Variants in CDC16 observed in about 807,000 individuals in gnomAD.
The protein encoded by CDC16 is cell division cycle protein 16 homolog.
CDC16 carries 34 observed loss-of-function variants against 87.0 expected under a neutral mutation model. The ratio of observed to expected loss-of-function variants is 0.39; its 90% CI spans 0.30 to 0.52. CDC16 has a LOEUF of 0.52. CDC16 is among the 20% of genes least tolerant of loss of function. CDC16 has a pLI of 0.74. For missense variants in CDC16, 653 were observed against 751.9 expected (o/e 0.87, Z 1.54); for synonymous variants, 263 against 260.6 (o/e 1.01, Z -0.09).
chr13:114,267,132 A>T (rs1033215875), intron 17 of CDC16, among the ~76,000 whole-genome samples: 9 of 152,220 alleles, frequency 5.9e-5, no homozygotes, highest in African/African-American at 2.2e-4. Flanking sequence ...GTATTAAGAA[A>T]CACACCTAAG....
At chr13:114,252,132 C>G (rs1375767341) in intron 12 of CDC16, among the ~76,000 whole-genome samples, 1 of 150,696 alleles carries the variant, frequency 6.6e-6, no homozygotes, top group Non-Finnish European at 1.5e-5. Flanking sequence ...AAGAGCCCTA[C>G]ACTAGCCCTG....
chr13:114,248,802 T>C (rs1456015106), intron 11 of CDC16, among the ~76,000 whole-genome samples: 2 of 152,040 alleles, frequency 1.3e-5, no homozygotes, highest in East Asian at 3.8e-4. Flanking sequence ...CCCTGGTTGG[T>C]TGTATGTTCA....
intron 1 of CDC16, among the ~76,000 whole-genome samples, chr13:114,236,242 A>G (rs990864212): frequency 1.3e-4 from 20 of 152,216 alleles, no homozygotes; most frequent in Admixed American, 1.2e-3. Context: ...GTATTTGAGT[A>G]TAGTGTTCTG....
In CDC16 at chr13:114,234,965, C is replaced by G. The variant is rs765849031; in HGVS notation, c.-120C>G. ...CTGCGGCCTTCGAGTCCGCGGCCTT[C>G]GAGTCCTGGGGCGGCGGCGGCGGCT... On this transcript the variant is annotated 5_prime_UTR_variant, in exon 1 of 18. Transcript: ENST00000356221. 5.5e-3 allele frequency: 4,090 copies of G among 739,262 alleles called. 27 individuals are homozygous for G. The highest frequency in any genetic ancestry group is 9.3e-3 in the Middle Eastern group (21 of 2,270). 45.8% of individuals were successfully genotyped at this position (739,262 alleles called of 1,614,324 possible). A position where few individuals can be genotyped will look rare whatever the true frequency, so the allele number is the denominator to read the frequency against.
chr13:114,250,349 G>C (rs12586012), intron 11 of CDC16, among the ~76,000 whole-genome samples, 200 bp from the exon 12 acceptor site: 2 of 151,996 alleles, frequency 1.3e-5, no homozygotes, highest in Non-Finnish European at 2.9e-5. Flanking sequence ...AAAATTAGCC[G>C]GGCATGGTGG....
At chr13:114,237,119 G>C (rs2081293042) in intron 3 of CDC16, among the ~76,000 whole-genome samples, 1 of 151,862 alleles carries the variant, frequency 6.6e-6, no homozygotes, top group South Asian at 2.1e-4. Context: ...CAGCTACTCG[G>C]GAGGCTGAGG....
chr13:114,258,006 C>CA (rs529407912), intron 13 of CDC16, among the ~76,000 whole-genome samples: 132 of 152,088 alleles, frequency 8.7e-4, no homozygotes, highest in African/African-American at 3.0e-3. Flanking sequence ...AGGCTGGTCT[C>CA]GAACTCCTGA....
In CDC16 at chr13:114,242,168, A is replaced by G; in HGVS notation, c.429A>G (p.Leu143=). The G allele has an allele frequency of 6.2e-7, 1 of 1,613,834 alleles. No individual in the cohort carries two copies. Among genetic ancestry groups the G allele is most frequent in the Non-Finnish European group, 8.5e-7 (1 of 1,179,920 alleles). Reference sequence around the variant, plus strand: ...TACGCGGGAAAATCTATGATGCTCTAGATAACCGAACCCTGGCTACCTACA... The same window carrying G: ...TACGCGGGAAAATCTATGATGCTCTGGATAACCGAACCCTGGCTACCTACA... ...CLLRGKIYDA[L]DNRTLATYSY... Residue 143 remains leucine (L), a synonymous_variant, in exon 6 of 18, where the codon CTA becomes CTG. Transcript: ENST00000356221.
chr13:114,258,275 C>T (rs1263392258), intron 13 of CDC16, among the ~76,000 whole-genome samples: 1 of 152,164 alleles, frequency 6.6e-6, no homozygotes, highest in Non-Finnish European at 1.5e-5. Flanking sequence ...CAAATCAGTT[C>T]CTGAGGTGCT....
chr13:114,271,270 T>C (rs1009400286), intron 17 of CDC16, among the ~76,000 whole-genome samples: 3 of 152,150 alleles, frequency 2.0e-5, no homozygotes, highest in African/African-American at 7.2e-5. Flanking sequence ...TGCATGTCAT[T>C]ATCTGCCAAA....
At chr13:114,258,427 T>G (rs2082640319) in intron 13 of CDC16, among the ~76,000 whole-genome samples, 1 of 152,214 alleles carries the variant, frequency 6.6e-6, no homozygotes, top group Admixed American at 6.5e-5. Context: ...TTGTGGTCTA[T>G]TTAGTGCCAC....
At chr13:114,235,178 C>A in intron 1 of CDC16, 46 bp downstream of exon 1, 1 of 1,204,248 alleles carries the variant, frequency 8.3e-7, no homozygotes, top group Non-Finnish European at 1.0e-6. Flanking sequence ...CTCGCCGGGT[C>A]TTTTTCCGCG....
At position 114,260,536 on chromosome 13, in the gene CDC16, C is replaced by T. The variant is rs879080727; in HGVS notation, c.1314+1138C>T. Among the ~76,000 whole-genome samples the T allele has an allele frequency of 5.3e-5, 8 of 152,192 alleles. No individual in the cohort carries two copies. In the South Asian group the frequency reaches 1.0e-3, roughly 20 times the overall value. ...TAGCGTGATGCCCAGGGGATTATCA[C>T]GCACAGAAAAGTTTTGAGAAGCACT... On this transcript the variant is annotated intron_variant, in intron 14 of 17. Coordinates refer to ENST00000356221, the MANE Select transcript of CDC16 (RefSeq NM_001078645.3).
chr13:114,237,293 A>G (rs781356130), intron 3 of CDC16, among the ~76,000 whole-genome samples: 2 of 151,476 alleles, frequency 1.3e-5, no homozygotes, highest in Non-Finnish European at 2.9e-5. Context: ...ACTTGATGCA[A>G]TTTTTCTTTG....
At position 114,257,185 on chromosome 13, in the gene CDC16, C is replaced by T. The variant is rs758896803; in HGVS notation, c.1205C>T (p.Pro402Leu). 3.8e-5 allele frequency: 61 copies of T among 1,613,078 alleles called. No homozygotes were observed. The highest frequency in any genetic ancestry group is 4.4e-5 in the Non-Finnish European group (52 of 1,179,400). The stretch of plus-strand genomic sequence containing the variant: ...GCTCTGAGCATTGCACCGGAAGACC[C>T]TTTTGTTATGCATGAGGTCGGCGTG... ...SQALSIAPED[P>L]FVMHEVGVVA... The change falls in exon 13 of 18, where the codon CCT (proline) becomes CTT (leucine). Residue 402 changes from proline (P) to leucine (L), a missense_variant. Pro to Leu is a moderately conservative substitution (Grantham distance 98, BLOSUM62 -3). Transcript: ENST00000356221.
chr13:114,269,576 A>G (rs2083468200), intron 17 of CDC16, among the ~76,000 whole-genome samples: 2 of 152,350 alleles, frequency 1.3e-5, no homozygotes, highest in South Asian at 2.1e-4. Flanking sequence ...CTAACTGGAA[A>G]TGACTCAAAC....
At position 114,259,366 on chromosome 13, in the gene CDC16, G is replaced by T. The variant is rs779842910; in HGVS notation, c.1282G>T (p.Ala428Ser). Reference sequence around the variant, plus strand: ...AACAGCCGAAAAATGGTTTCTTGATGCTTTGGAAAAAATTAAAGCAATTGG... The same window carrying T: ...AACAGCCGAAAAATGGTTTCTTGATTCTTTGGAAAAAATTAAAGCAATTGG... ...WKTAEKWFLDALEKIKAIGNE... is the reference protein window; with the variant it reads ...WKTAEKWFLDSLEKIKAIGNE... Residue 428 changes from alanine to serine, a missense_variant, in exon 14 of 18, where the codon GCT (alanine) becomes TCT (serine). Physicochemically the swap from Ala to Ser is moderately conservative, Grantham distance 99. Transcript: ENST00000356221. The T allele has an allele frequency of 6.3e-7, 1 of 1,575,474 alleles. No individual in the cohort carries two copies. Among genetic ancestry groups the T allele is most frequent in the Admixed American group, 2.1e-5 (1 of 48,676 alleles).
At chr13:114,246,126 C>A in intron 10 of CDC16, 77 bp downstream of exon 10, 1 of 641,388 alleles carries the variant, frequency 1.6e-6, no homozygotes, top group Non-Finnish European at 2.6e-6. Context: ...CGTATTTAGA[C>A]AATAGCTTAA....
At chr13:114,236,039 C>G (rs2081232076) in intron 1 of CDC16, among the ~76,000 whole-genome samples, 1 of 152,170 alleles carries the variant, frequency 6.6e-6, no homozygotes, top group African/African-American at 2.4e-5. Flanking sequence ...CTGTAGAAGA[C>G]TGAGGACTGA....
Sources: allele counts gnomAD v4.1 joint callset (sites outside exome capture counted in the v4.1 genomes callset), GRCh38; gene constraint gnomAD v4.1.1; transcripts MANE v1.5; gene names NCBI Gene and HGNC (gene_info 2026-07-23, HGNC 2026-07-21).